Variants in ACYP2 observed in about 807,000 individuals in gnomAD.
ACYP2 encodes acylphosphatase 2.
ACYP2 carries 12 observed loss-of-function variants against 11.2 expected under a neutral mutation model. That is an observed-to-expected ratio of 1.08 (90% CI 0.69 to 1.74). The LOEUF (loss-of-function observed/expected upper bound fraction) is 1.74, where lower values mean the gene tolerates loss of function less well. Ranked by LOEUF, ACYP2 falls within the 40% of genes most tolerant of loss-of-function variation. The probability of loss-of-function intolerance (pLI) is 0.00; values close to 1 mark genes in which losing one functional copy is unlikely to be tolerated. For missense variants in ACYP2, 134 were observed against 101.9 expected (o/e 1.31, Z -1.35); for synonymous variants, 43 against 32.2 (o/e 1.33, Z -1.13).
chr2:54,029,518 T>C, intron 2 of ACYP2: 1 of 391,308 alleles, frequency 2.6e-6, no homozygotes, highest in Non-Finnish European at 4.9e-6. Flanking sequence ...TTCCAGCAAC[T>C]CAGGCTCCTT....
At chr2:54,075,519 GA>G (rs773595418) in intron 4 of ACYP2, among the ~76,000 whole-genome samples, 1,647 of 102,028 alleles carry the variant, frequency 0.016, 35 homozygotes, top group African/African-American at 0.047. Context: ...AAAAAAGAAA[GA>G]AAAAAAAAAA....
At chr2:54,088,098 C>T (rs1387114360) in intron 4 of ACYP2, among the ~76,000 whole-genome samples, 2 of 152,078 alleles carry the variant, frequency 1.3e-5, no homozygotes, top group East Asian at 3.9e-4. Flanking sequence ...TGTGGACTGG[C>T]GTCTAACTCC....
intron 2 of ACYP2, among the ~76,000 whole-genome samples, chr2:54,008,593 C>T (rs1267340264): frequency 6.6e-6 from 1 of 152,184 alleles, no homozygotes; most frequent in Non-Finnish European, 1.5e-5. Context: ...TGGCCAGGTT[C>T]AAGTGATTCT....
chr2:54,121,090 C>T (rs752628332), intron 4 of ACYP2, among the ~76,000 whole-genome samples: 7 of 152,196 alleles, frequency 4.6e-5, no homozygotes, highest in African/African-American at 9.7e-5. Flanking sequence ...ACCTGCCATT[C>T]GCTCTTGTCC....
At chr2:54,276,726 T>C (rs932722384) in intron 6 of ACYP2, among the ~76,000 whole-genome samples, 6 of 152,074 alleles carry the variant, frequency 3.9e-5, no homozygotes, top group African/African-American at 1.4e-4. Context: ...TAATCTTTTG[T>C]TAATTTTAAA....
intron 4 of ACYP2, among the ~76,000 whole-genome samples, chr2:54,128,518 C>G (rs772725680): frequency 6.6e-6 from 1 of 152,010 alleles, no homozygotes; most frequent in African/African-American, 2.4e-5. Flanking sequence ...AATTTTAAAA[C>G]TATCCAGACG....
intron 2 of ACYP2, among the ~76,000 whole-genome samples, chr2:53,990,870 C>T (rs1316589650): frequency 6.6e-6 from 1 of 151,636 alleles, no homozygotes; most frequent in Admixed American, 6.6e-5. Flanking sequence ...GATCTCGGCT[C>T]ACTGCCAGCT....
At chr2:54,296,575 T>C (rs528306743) in intron 6 of ACYP2, among the ~76,000 whole-genome samples, 6 of 152,292 alleles carry the variant, frequency 3.9e-5, no homozygotes, top group South Asian at 4.1e-4. Flanking sequence ...CATAAAAAAA[T>C]TGTCTCCACC....
chr2:54,108,524 T>C (rs1482819912), intron 4 of ACYP2, among the ~76,000 whole-genome samples: 1 of 152,170 alleles, frequency 6.6e-6, no homozygotes, highest in African/African-American at 2.4e-5. Context: ...CTTGCTTCCA[T>C]AGGAAAAGCA....
intron 2 of ACYP2, among the ~76,000 whole-genome samples, chr2:53,990,509 C>T (rs914174533): frequency 4.4e-4 from 66 of 150,980 alleles, no homozygotes; most frequent in Non-Finnish European, 7.5e-4. Flanking sequence ...ATTAGCTGGG[C>T]GTGGTGGCGG....
intron 6 of ACYP2, among the ~76,000 whole-genome samples, chr2:54,184,746 A>G (rs1449288301): frequency 6.6e-6 from 1 of 152,254 alleles, no homozygotes; most frequent in African/African-American, 2.4e-5. Flanking sequence ...AGAAAAGCAG[A>G]AAACTTGAAT....
chr2:54,004,149 A>G (rs1014987805), intron 2 of ACYP2, among the ~76,000 whole-genome samples: 1 of 151,752 alleles, frequency 6.6e-6, no homozygotes, highest in East Asian at 1.9e-4. Context: ...ATGCCCAGCT[A>G]ATTTTTTTTG....
intron 4 of ACYP2, among the ~76,000 whole-genome samples, chr2:54,072,468 T>TTTTC (rs530049233): frequency 5.6e-5 from 7 of 124,728 alleles, no homozygotes; most frequent in South Asian, 3.2e-4. Context: ...CTTTCTTTCT[T>TTTTC]TTTCTTTCTT....
intron 4 of ACYP2, among the ~76,000 whole-genome samples, chr2:54,067,021 A>T (rs1352989404): frequency 6.6e-6 from 1 of 152,254 alleles, no homozygotes; most frequent in East Asian, 1.9e-4. Context: ...ATCAGTTGAC[A>T]TGTCAGAGCC....
intron 4 of ACYP2, among the ~76,000 whole-genome samples, chr2:54,072,513 T>TTTTTTCTTTTTTCTTTCTTTCC (rs148411653): frequency 6.8e-6 from 1 of 146,056 alleles, no homozygotes; most frequent in Non-Finnish European, 1.5e-5. Context: ...CTCTCTCTCT[T>TTTTTTCTTTTTTCTTTCTTTCC]TCTTTCTTCT....
chr2:54,244,328 A>G (rs1282089730), intron 6 of ACYP2, among the ~76,000 whole-genome samples: 2 of 152,180 alleles, frequency 1.3e-5, no homozygotes, highest in African/African-American at 4.8e-5. Context: ...TAGCCTCCCC[A>G]GTAGCTGGGC....
intron 2 of ACYP2, among the ~76,000 whole-genome samples, chr2:54,002,188 C>A (rs913596800): frequency 6.6e-6 from 1 of 152,202 alleles, no homozygotes; most frequent in Non-Finnish European, 1.5e-5. Context: ...TAACACCTGG[C>A]AACCTCTGAT....
intron 4 of ACYP2, among the ~76,000 whole-genome samples, chr2:54,112,803 T>C (rs1231252180): frequency 2.0e-5 from 3 of 152,228 alleles, no homozygotes; most frequent in Non-Finnish European, 2.9e-5. Flanking sequence ...TACATAAAAA[T>C]TTCCGTTTGC....
chr2:54,135,713 GATTT>G lies in ACYP2; in HGVS notation c.294+245_294+248del, dbSNP rs1170464872. 3.3e-5 allele frequency among the ~76,000 whole-genome samples: 5 copies of G among 152,156 alleles called. No homozygotes were observed. The South Asian group carries it at 1.0e-3, about 31-fold the overall frequency. ...TATTCAAAAGTACCTCTCTTTGGGT[GATTT>G]TAATGAAACGCTTTGATTAGGTGTA... On this transcript the variant is annotated intron_variant, in intron 5 of 6. Coordinates refer to ENST00000607452, the MANE Select transcript of ACYP2 (RefSeq NM_001320586.2).
Sources: allele counts gnomAD v4.1 joint callset (sites outside exome capture counted in the v4.1 genomes callset), GRCh38; gene constraint gnomAD v4.1.1; transcripts MANE v1.5; gene names NCBI Gene and HGNC (gene_info 2026-07-23, HGNC 2026-07-21).